The following HOOK3 variants were observed in gnomAD, a reference collection of about 807,000 sequenced individuals.
HOOK3 encodes hook microtubule tethering protein 3.
Under a neutral mutation model 116.3 loss-of-function variants are expected in HOOK3, and 24 were observed. The ratio of observed to expected loss-of-function variants is 0.21; its 90% CI spans 0.15 to 0.29. HOOK3 has a LOEUF of 0.29. Among genes scored for constraint, HOOK3 ranks in the 10% least tolerant of loss-of-function variants. The probability of loss-of-function intolerance (pLI) is 1.00; values close to 1 mark genes in which losing one functional copy is unlikely to be tolerated. For missense variants in HOOK3, 632 were observed against 830.2 expected (o/e 0.76, Z 2.93); for synonymous variants, 275 against 283.0 (o/e 0.97, Z 0.28).
chr8:42,985,840 A>G (rs1809039629), intron 14 of HOOK3, among the ~76,000 whole-genome samples: 1 of 152,222 alleles, frequency 6.6e-6, no homozygotes, highest in Admixed American at 6.5e-5. Context: ...TTCAGTAGCA[A>G]AAGTAAAAGA....
Position 43,030,413 on chromosome 8 carries a change from A to G in HOOK3, c.*11915A>G, listed in dbSNP as rs1057281537. The stretch of plus-strand genomic sequence containing the variant: ...GTATGCATATAATATATGTATATGT[A>G]TATGAAGAATAAAGTTAAGATTTGG... On this transcript the variant is annotated 3_prime_UTR_variant, in exon 22 of 22. Coordinates refer to ENST00000307602, the MANE Select transcript of HOOK3 (RefSeq NM_032410.4). 5 of 178,692 alleles carry G rather than the reference A, an allele frequency of 2.8e-5. No homozygotes were observed. Among genetic ancestry groups the G allele is most frequent in the African/African-American group, 1.2e-4 (5 of 42,346 alleles). The allele number at this position is 178,692 out of a possible 1,614,324, so 11.1% of individuals were successfully genotyped here. A position where few individuals can be genotyped will look rare whatever the true frequency, so the allele number is the denominator to read the frequency against.
At position 42,898,211 on chromosome 8, in the gene HOOK3, TA is replaced by T. The variant is rs1411394364; in HGVS notation, c.57+1030del. Among the ~76,000 whole-genome samples the T allele has an allele frequency of 6.2e-4, 95 of 152,310 alleles. 1 individual carries two copies. Among genetic ancestry groups the T allele is most frequent in the Admixed American group, 6.1e-3 (94 of 15,300 alleles). ...AGAAGTATTGCCTTACGTTGGTTGT[TA>T]AAAAAATTAATAAAAATAGTCTGAG... On this transcript the variant is annotated intron_variant, in intron 1 of 21. Coordinates refer to ENST00000307602, the MANE Select transcript of HOOK3 (RefSeq NM_032410.4).
In HOOK3 at chr8:43,002,220, G is replaced by A. The variant is rs2130473919; in HGVS notation, c.1655+79G>A. ...TGTGTTAGGTAGTTACGGTGTGTCT[G>A]GGCGTTGGCACAGGTGGCCCTTGAA... On this transcript the variant is annotated intron_variant, in intron 17 of 21. Transcript: ENST00000307602. The A allele has an allele frequency of 1.0e-5, 11 of 1,062,054 alleles. No individual in the cohort carries two copies. The South Asian group carries it at 1.4e-4, about 13-fold the overall frequency. 65.8% of individuals were successfully genotyped at this position (1,062,054 alleles called of 1,614,324 possible). A position where few individuals can be genotyped will look rare whatever the true frequency, so the allele number is the denominator to read the frequency against.
At chr8:42,998,129 T>A (rs183349104) in intron 16 of HOOK3, 3 of 175,844 alleles carry the variant, frequency 1.7e-5, no homozygotes, top group African/African-American at 7.2e-5. Context: ...GCACTCTGCA[T>A]CTCTGTCACA....
intron 1 of HOOK3, among the ~76,000 whole-genome samples, chr8:42,905,582 C>T (rs1031494623): frequency 6.6e-6 from 1 of 151,910 alleles, no homozygotes; most frequent in African/African-American, 2.4e-5. Flanking sequence ...ATGAACGTGC[C>T]GTGATTTTCA....
At chr8:43,010,227 CTAAAA>C in intron 18 of HOOK3, 73 bp from the exon 19 acceptor site, 1 of 282,368 alleles carries the variant, frequency 3.5e-6, no homozygotes, top group Non-Finnish European at 6.0e-6. Flanking sequence ...TTGTGGTAAT[CTAAAA>C]TAAATTTATT....
At chr8:42,977,303 T>G (rs1808848107) in intron 13 of HOOK3, among the ~76,000 whole-genome samples, 3 of 152,132 alleles carry the variant, frequency 2.0e-5, no homozygotes, top group Admixed American at 2.0e-4. Context: ...GGAACCATGC[T>G]AAGGATCAAA....
chr8:42,949,793 T>A (rs1468432899), intron 5 of HOOK3, among the ~76,000 whole-genome samples: 1 of 152,034 alleles, frequency 6.6e-6, no homozygotes, highest in Non-Finnish European at 1.5e-5. Flanking sequence ...GGCGCACGCC[T>A]GTAGTCCCAG....
intron 4 of HOOK3, among the ~76,000 whole-genome samples, chr8:42,939,501 G>T (rs897058882): frequency 6.8e-6 from 1 of 146,280 alleles, no homozygotes; most frequent in Non-Finnish European, 1.5e-5. Flanking sequence ...CTCCCGGACG[G>T]GGCGGCTGGC....
chr8:42,970,880 C>G (rs1007409158), intron 11 of HOOK3, among the ~76,000 whole-genome samples: 1 of 150,916 alleles, frequency 6.6e-6, no homozygotes, highest in African/African-American at 2.5e-5. Context: ...CTCGACCCCC[C>G]AGGCTCAGGT....
chr8:42,904,959 A>T (rs1807273975), intron 1 of HOOK3, among the ~76,000 whole-genome samples: 1 of 152,140 alleles, frequency 6.6e-6, no homozygotes, highest in Non-Finnish European at 1.5e-5. Context: ...TCAGGGATTG[A>T]TTTCCGTCTA....
At chr8:42,919,443 C>G (rs1377924515) in intron 2 of HOOK3, among the ~76,000 whole-genome samples, 1 of 151,386 alleles carries the variant, frequency 6.6e-6, no homozygotes. Flanking sequence ...GGCAGAGACG[C>G]TCCTCACTTC....
At chr8:43,010,429 C>G (rs376607786) in intron 19 of HOOK3, 24 bp downstream of exon 19, 11 of 877,242 alleles carry the variant, frequency 1.3e-5, no homozygotes, top group Non-Finnish European at 1.9e-5. Context: ...TTGTAGGCAT[C>G]TCACTCTACC....
chr8:42,981,883 CAAAAA>C (rs11348838), intron 13 of HOOK3, among the ~76,000 whole-genome samples: 3 of 108,128 alleles, frequency 2.8e-5, no homozygotes, highest in Non-Finnish European at 1.9e-5. Flanking sequence ...GACTCTGTCT[CAAAAA>C]AAAAAAAAAA....
At position 43,020,140 on chromosome 8, in the gene HOOK3, A is replaced by C; in HGVS notation, c.*1642A>C. On this transcript the variant is annotated 3_prime_UTR_variant, in exon 22 of 22. Transcript: ENST00000307602. ...CCTCAGAAGCCGTAGTTGAAGAAAG[A>C]TATTAGAGTATACACAGAACTGGAG... 5.0e-6 allele frequency: 1 copy of C among 199,146 alleles called. No individual in the cohort carries two copies. Among genetic ancestry groups the C allele is most frequent in the Non-Finnish European group, 1.0e-5 (1 of 96,448 alleles). 12.3% of individuals were successfully genotyped at this position (199,146 alleles called of 1,614,324 possible).
At position 42,981,072 on chromosome 8, in the gene HOOK3, G is replaced by A. The variant is rs992933317; in HGVS notation, c.1322-1555G>A. Among the ~76,000 whole-genome samples, 58 of 141,692 alleles carry A rather than the reference G, an allele frequency of 4.1e-4. 1 individual carries two copies. Among genetic ancestry groups the A allele is most frequent in the Non-Finnish European group, 8.0e-4 (53 of 66,156 alleles). The allele number at this position is 141,692 out of a possible 152,430, so 93.0% of individuals were successfully genotyped here. On this transcript the variant is annotated intron_variant, in intron 13 of 21. Coordinates refer to ENST00000307602, the MANE Select transcript of HOOK3 (RefSeq NM_032410.4). ...ATAATAATTTTTTTTTTTTTTTTGA[G>A]ATGAGGTCTCACTCCTTTACCCAGG...
chr8:42,929,957 T>A (rs181012842), intron 3 of HOOK3, among the ~76,000 whole-genome samples, 165 bp from the exon 4 acceptor site: 1 of 152,306 alleles, frequency 6.6e-6, no homozygotes, highest in Admixed American at 6.5e-5. Context: ...TATATAGTAG[T>A]ACTTTTTGAT....
At position 42,930,565 on chromosome 8, in the gene HOOK3, C is replaced by CA. The variant is rs1374048112; in HGVS notation, c.267+394dup. On this transcript the variant is annotated intron_variant, in intron 4 of 21. Transcript: ENST00000307602. ...TCCTCTGAGTCTGCATCAGAACAGT[C>CA]AGACATTGCTGGGGAAGAAATCAGG... 4.6e-5 allele frequency among the ~76,000 whole-genome samples: 7 copies of CA among 152,290 alleles called. No homozygotes were observed. In the South Asian group the frequency reaches 6.2e-4, roughly 14 times the overall value.
intron 5 of HOOK3, among the ~76,000 whole-genome samples, chr8:42,947,994 C>G (rs907651460): frequency 1.3e-5 from 2 of 152,096 alleles, no homozygotes; most frequent in African/African-American, 4.8e-5. Context: ...TCTTGGCTAT[C>G]TTACTTCTCA....
Sources: allele counts gnomAD v4.1 joint callset (sites outside exome capture counted in the v4.1 genomes callset), GRCh38; gene constraint gnomAD v4.1.1; transcripts MANE v1.5; gene names NCBI Gene and HGNC (gene_info 2026-07-23, HGNC 2026-07-21).